CHIC2: variants seen among roughly 807,000 people sequenced by gnomAD.
CHIC2 encodes the protein cysteine rich hydrophobic domain 2.
CHIC2 carries 14 observed loss-of-function variants against 25.9 expected under a neutral mutation model. That is an observed-to-expected ratio of 0.54 (90% CI 0.36 to 0.85). CHIC2 has a LOEUF of 0.85. CHIC2 is among the 40% of genes least tolerant of loss of function. CHIC2 has a pLI of 0.01. For missense variants in CHIC2, 146 were observed against 202.0 expected (o/e 0.72, Z 1.68); for synonymous variants, 70 against 72.0 (o/e 0.97, Z 0.14).
rs1228485331 is a variant in CHIC2 at position 54,046,189 on chromosome 4, T to C, written c.330+2766A>G. ...TGGAAGAACATTCCATGCTCATGGATAGCAAGAATCAATATTGTGAAAATG... is the reference window on the plus strand; with the variant it reads ...TGGAAGAACATTCCATGCTCATGGACAGCAAGAATCAATATTGTGAAAATG... On this transcript the variant is annotated intron_variant, in intron 3 of 5. Transcript: ENST00000263921. Among the ~76,000 whole-genome samples, 44 of 152,208 alleles carry C rather than the reference T, an allele frequency of 2.9e-4. 1 individual carries two copies.
At chr4:54,026,941 C>A (rs990142337) in intron 3 of CHIC2, among the ~76,000 whole-genome samples, 1 of 152,000 alleles carries the variant, frequency 6.6e-6, no homozygotes, top group Non-Finnish European at 1.5e-5. Context: ...GTAAATCGAA[C>A]TTTTTTACAG....
intron 1 of CHIC2, among the ~76,000 whole-genome samples, chr4:54,052,240 T>C (rs746002212): frequency 1.7e-4 from 26 of 152,212 alleles, no homozygotes; most frequent in Non-Finnish European, 2.4e-4. Context: ...TTTGATAATA[T>C]AACTGTAAAA....
intron 3 of CHIC2, among the ~76,000 whole-genome samples, chr4:54,023,791 G>A (rs1024323097): frequency 4.6e-5 from 7 of 152,074 alleles, no homozygotes; most frequent in African/African-American, 1.7e-4. Context: ...AAAGGACTAC[G>A]CATCAATATC....
At chr4:54,087,393 T>A in the CHIC2 span, 10 of 568,790 alleles carry the variant, frequency 1.8e-5, no homozygotes, top group African/African-American at 1.9e-4. Flanking sequence ...GTAGATGCAA[T>A]TCTAAAGGAG....
intron 1 of CHIC2, among the ~76,000 whole-genome samples, chr4:54,050,616 T>C (rs1716977584): frequency 6.6e-6 from 1 of 152,170 alleles, no homozygotes; most frequent in South Asian, 2.1e-4. Flanking sequence ...ATTTTAATAC[T>C]GTATTTTTAC....
At chr4:54,050,814 T>A (rs1245303533) in intron 1 of CHIC2, among the ~76,000 whole-genome samples, 1 of 152,124 alleles carries the variant, frequency 6.6e-6, no homozygotes, top group Admixed American at 6.5e-5. Flanking sequence ...GTCTGCACAA[T>A]GATGAAATTG....
the CHIC2 span, among the ~76,000 whole-genome samples, chr4:54,078,260 G>A: frequency 0.013 from 2,031 of 152,140 alleles, 27 homozygotes; most frequent in Non-Finnish European, 0.022. Flanking sequence ...TTTTATTCTC[G>A]TTGCTAGGAT....
intron 3 of CHIC2, among the ~76,000 whole-genome samples, chr4:54,041,903 A>C (rs1244853015): frequency 1.3e-5 from 2 of 152,020 alleles, no homozygotes; most frequent in Non-Finnish European, 2.9e-5. Context: ...AGAAATGCCT[A>C]ATGTAGATGA....
At chr4:54,026,690 T>G (rs1157266752) in intron 3 of CHIC2, among the ~76,000 whole-genome samples, 1 of 152,202 alleles carries the variant, frequency 6.6e-6, no homozygotes. Flanking sequence ...GCCCTTCACC[T>G]TTTTTATTTC....
intron 1 of CHIC2, among the ~76,000 whole-genome samples, chr4:54,059,022 T>G (rs1355188127): frequency 6.6e-6 from 1 of 152,144 alleles, no homozygotes; most frequent in African/African-American, 2.4e-5. Flanking sequence ...GTCATATAAA[T>G]TCTCAAATTC....
the CHIC2 span, among the ~76,000 whole-genome samples, chr4:54,085,272 C>T: frequency 6.6e-6 from 1 of 152,086 alleles, no homozygotes; most frequent in Non-Finnish European, 1.5e-5. Flanking sequence ...TTGTAGGTTA[C>T]TATGATAAAT....
chr4:54,060,782 G>A (rs1241230903), intron 1 of CHIC2: 2 of 152,056 alleles, frequency 1.3e-5, no homozygotes, highest in East Asian at 3.8e-4. Context: ...CAGTATTACT[G>A]TTTATTTTAG....
chr4:54,040,521 T>C (rs2110078058), intron 3 of CHIC2, among the ~76,000 whole-genome samples: 1 of 151,918 alleles, frequency 6.6e-6, no homozygotes, highest in East Asian at 1.9e-4. Context: ...GCAAACATGG[T>C]GAAACCCCGT....
intron 2 of CHIC2, 64 bp downstream of exon 2, chr4:54,049,187 T>C: frequency 2.6e-6 from 4 of 1,564,400 alleles, no homozygotes; most frequent in Non-Finnish European, 1.7e-6. Context: ...TACTTTTTTC[T>C]AATTTTCTCA....
intron 3 of CHIC2, among the ~76,000 whole-genome samples, chr4:54,021,209 T>C (rs1230316730): frequency 1.3e-5 from 2 of 152,148 alleles, no homozygotes; most frequent in African/African-American, 2.4e-5. Context: ...TGGTTCTAAA[T>C]AGCCAGAAAA....
intron 3 of CHIC2, 90 bp downstream of exon 3, chr4:54,048,865 A>T: frequency 9.4e-7 from 1 of 1,066,034 alleles, no homozygotes; most frequent in East Asian, 2.7e-5. Context: ...GGATAGTGTG[A>T]TTCATTCAAT....
intron 3 of CHIC2, among the ~76,000 whole-genome samples, chr4:54,019,995 T>C (rs1209227115): frequency 6.6e-6 from 1 of 152,080 alleles, no homozygotes; most frequent in African/African-American, 2.4e-5. Flanking sequence ...CAAAGGAATT[T>C]CACTATGCAA....
At chr4:54,066,421 C>T (rs1213143893), upstream of CHIC2, among the ~76,000 whole-genome samples, 3 of 152,082 alleles carry the variant, frequency 2.0e-5, no homozygotes, top group Non-Finnish European at 2.9e-5. Context: ...TTATAAAGCA[C>T]GTACATAATA....
At chr4:54,011,641 C>A (rs780674914) in intron 5 of CHIC2, among the ~76,000 whole-genome samples, 15 of 151,974 alleles carry the variant, frequency 9.9e-5, no homozygotes, top group Admixed American at 2.6e-4. Flanking sequence ...ATAATATACA[C>A]TTTTAATACA....
Sources: allele counts gnomAD v4.1 joint callset (sites outside exome capture counted in the v4.1 genomes callset), GRCh38; gene constraint gnomAD v4.1.1; transcripts MANE v1.5; gene names NCBI Gene and HGNC (gene_info 2026-07-23, HGNC 2026-07-21).